The following M1AP variants were observed in gnomAD, a reference collection of about 807,000 sequenced individuals.
M1AP encodes meiosis 1 associated protein.
A neutral mutation model predicts 51.2 loss-of-function variants in M1AP; 39 were observed. The observed-to-expected ratio is 0.76, with a 90% CI of 0.59 to 1.00. The LOEUF (loss-of-function observed/expected upper bound fraction) is 1.00. M1AP is among the 50% of genes least tolerant of loss of function. M1AP has a pLI of 0.00. For synonymous variants in M1AP, 251 were observed against 249.2 expected (o/e 1.01, Z -0.07); for missense variants, 545 against 641.2 (o/e 0.85, Z 1.62).
chr2:74,587,888 A>T (rs920896444), intron 4 of M1AP, among the ~76,000 whole-genome samples: 2 of 152,194 alleles, frequency 1.3e-5, no homozygotes, highest in South Asian at 4.1e-4. Context: ...AAAACTAAGA[A>T]AGCCAAATGA....
rs1374469234 is a variant in M1AP at position 74,615,048 on chromosome 2, C to T, written c.342G>A (p.Leu114=). 1 of 1,614,064 alleles carries T rather than the reference C, an allele frequency of 6.2e-7. No homozygotes were observed. Among genetic ancestry groups the T allele is most frequent in the Non-Finnish European group, 8.5e-7 (1 of 1,180,034 alleles). Residue 114 remains leucine, a synonymous_variant, in exon 3 of 11, where the codon CTG becomes CTA. Coordinates refer to ENST00000421985, the MANE Select transcript of M1AP (RefSeq NM_001321739.2). ...ATTGCTGGAGCCCATCCTCTACTGC[C>T]AGCCGCAGAGAAGCACCTTGTGATC... The part of the protein sequence containing the change: ...CFRSQGASLR[L]AVEDGLQQFK...
intron 4 of M1AP, among the ~76,000 whole-genome samples, chr2:74,605,091 C>T (rs1327521530): frequency 6.6e-6 from 1 of 151,722 alleles, no homozygotes; most frequent in African/African-American, 2.4e-5. Context: ...AAAAAACAAA[C>T]AAACAAGGAT....
At chr2:74,589,912 T>C (rs773378142) in intron 4 of M1AP, among the ~76,000 whole-genome samples, 3 of 152,246 alleles carry the variant, frequency 2.0e-5, no homozygotes, top group African/African-American at 7.2e-5. Context: ...ATTGGAAGAA[T>C]TGTCTTGGGC....
In M1AP at chr2:74,590,439, G is replaced by T. The variant is rs368380759; in HGVS notation, c.596-8592C>A. Among the ~76,000 whole-genome samples the T allele has an allele frequency of 1.6e-4, 25 of 152,020 alleles. No individual in the cohort carries two copies. In the East Asian group the frequency reaches 3.9e-3, roughly 23 times the overall value. The stretch of plus-strand genomic sequence containing the variant: ...ATTAGATTTCAAAGATGAATTTTAG[G>T]GGGGGCGGGGGCGGGATACAACATT... On this transcript the variant is annotated intron_variant, in intron 4 of 10. Transcript: ENST00000421985.
chr2:74,617,746 C>G (rs1317134538), intron 2 of M1AP, among the ~76,000 whole-genome samples: 1 of 152,140 alleles, frequency 6.6e-6, no homozygotes, highest in Non-Finnish European at 1.5e-5. Context: ...CCATTTTGTG[C>G]CCTTCTCATG....
intron 7 of M1AP, among the ~76,000 whole-genome samples, chr2:74,565,588 A>T (rs112961880): frequency 7.8e-4 from 119 of 152,060 alleles, no homozygotes; most frequent in African/African-American, 2.5e-3. Context: ...TAGCACTTTG[A>T]GAGGCCGAGG....
At chr2:74,587,606 C>T (rs943746009) in intron 4 of M1AP, among the ~76,000 whole-genome samples, 2 of 152,134 alleles carry the variant, frequency 1.3e-5, no homozygotes, top group East Asian at 1.9e-4. Flanking sequence ...TTCACAAATA[C>T]GACTAAATGT....
Position 74,605,716 on chromosome 2 carries a change from C to T in M1AP, c.595+1339G>A, listed in dbSNP as rs377280112. Among the ~76,000 whole-genome samples, 335 of 152,052 alleles carry T rather than the reference C, an allele frequency of 2.2e-3. 3 individuals are homozygous for T. Among genetic ancestry groups the T allele is most frequent in the African/African-American group, 7.7e-3 (321 of 41,432 alleles). On this transcript the variant is annotated intron_variant, in intron 4 of 10. Transcript: ENST00000421985. ...GAGACGGAGACCATCCTGGCTAACA[C>T]GGTGAAACCCTGTCTCTACTAAAAA... is the stretch of plus-strand genomic sequence containing the variant.
chr2:74,602,080 G>A (rs1680707947), intron 4 of M1AP, among the ~76,000 whole-genome samples: 1 of 152,176 alleles, frequency 6.6e-6, no homozygotes, highest in African/African-American at 2.4e-5. Context: ...CTAGATTTAA[G>A]AAGTGTTTGA....
At chr2:74,578,109 C>A (rs2104575743) in intron 5 of M1AP, among the ~76,000 whole-genome samples, 1 of 152,236 alleles carries the variant, frequency 6.6e-6, no homozygotes, top group East Asian at 1.9e-4. Context: ...GATGGTAATG[C>A]TTGCTCACCT....
chr2:74,613,455 C>T (rs1230121817), intron 3 of M1AP, among the ~76,000 whole-genome samples: 1 of 152,162 alleles, frequency 6.6e-6, no homozygotes, highest in Non-Finnish European at 1.5e-5. Flanking sequence ...TGAACTTATG[C>T]CTCTGGACTG....
intron 4 of M1AP, among the ~76,000 whole-genome samples, chr2:74,592,066 G>T (rs553111156): frequency 6.6e-6 from 1 of 152,080 alleles, no homozygotes; most frequent in South Asian, 2.1e-4. Flanking sequence ...GCCTCCCAAA[G>T]TGCTGGGATT....
At chr2:74,641,369 T>C (rs192994545) in intron 1 of M1AP, among the ~76,000 whole-genome samples, 1 of 152,182 alleles carries the variant, frequency 6.6e-6, no homozygotes, top group Non-Finnish European at 1.5e-5. Flanking sequence ...AGAACCAATA[T>C]AAGGAATGAG....
At chr2:74,576,791 G>T in intron 5 of M1AP, 173 bp from the exon 6 acceptor site, 1 of 1,250,792 alleles carries the variant, frequency 8.0e-7, no homozygotes, top group Non-Finnish European at 1.1e-6. Flanking sequence ...AAGCCTGACT[G>T]GTTTGGAAAG....
At chr2:74,607,750 A>G (rs1209448157) in intron 3 of M1AP, among the ~76,000 whole-genome samples, 3 of 152,230 alleles carry the variant, frequency 2.0e-5, no homozygotes, top group African/African-American at 7.2e-5. Context: ...CTGGGATTAC[A>G]GGCGTGAGCC....
intron 4 of M1AP, among the ~76,000 whole-genome samples, chr2:74,590,974 G>C (rs1213738614): frequency 1.3e-5 from 2 of 152,212 alleles, no homozygotes; most frequent in African/African-American, 4.8e-5. Context: ...CCTTAGGCCA[G>C]TCACTTCATC....
At chr2:74,647,983 G>C in intron 1 of M1AP, 1 of 983,310 alleles carries the variant, frequency 1.0e-6, no homozygotes, top group Non-Finnish European at 1.2e-6. Flanking sequence ...CGTGCCTGGC[G>C]GATCAGCAGC....
At chr2:74,603,740 C>A (rs1680806553) in intron 4 of M1AP, among the ~76,000 whole-genome samples, 1 of 152,152 alleles carries the variant, frequency 6.6e-6, no homozygotes, top group South Asian at 2.1e-4. Flanking sequence ...CCCTCCCCTG[C>A]CAGAACAATG....
intron 2 of M1AP, among the ~76,000 whole-genome samples, chr2:74,629,469 T>C (rs1682580947): frequency 6.6e-6 from 1 of 152,192 alleles, no homozygotes; most frequent in South Asian, 2.1e-4. Flanking sequence ...AAATGTTGTA[T>C]AGGCTGGGCG....
Sources: allele counts gnomAD v4.1 joint callset (sites outside exome capture counted in the v4.1 genomes callset), GRCh38; gene constraint gnomAD v4.1.1; transcripts MANE v1.5; gene names NCBI Gene and HGNC (gene_info 2026-07-23, HGNC 2026-07-21).